Variants in GALNT13 observed in about 807,000 individuals in gnomAD.
GALNT13 encodes the protein polypeptide N-acetylgalactosaminyltransferase 13, also known as UDP-GalNAc:polypeptide N-acetylgalactosaminyltransferase 13.
Under a neutral mutation model 64.2 loss-of-function variants are expected in GALNT13, and 28 were observed. That is an observed-to-expected ratio of 0.44 (90% confidence interval 0.32 to 0.60). The LOEUF (loss-of-function observed/expected upper bound fraction) is 0.60, where lower values mean the gene tolerates loss of function less well. Ranked by LOEUF, GALNT13 falls within the 20% of genes least tolerant of loss-of-function variation. The pLI is 0.05. For synonymous variants in GALNT13, 214 were observed against 224.6 expected, an observed-to-expected ratio of 0.95 and a Z score of 0.42; for missense variants, 577 against 669.8, an observed-to-expected ratio of 0.86 and a Z score of 1.53.
chr2:154,026,473 C>T (rs898964832), intron 3 of GALNT13, among the ~76,000 whole-genome samples: 2 of 152,146 alleles, frequency 1.3e-5, no homozygotes, highest in Admixed American at 6.5e-5. Flanking sequence ...CAGAATATCA[C>T]AGACTGGGTG....
chr2:153,341,528 C>A, the GALNT13 span, among the ~76,000 whole-genome samples: 1 of 152,190 alleles, frequency 6.6e-6, no homozygotes, highest in African/African-American at 2.4e-5. Context: ...ATTAGCCTTG[C>A]TAGCTTTTGC....
chr2:153,572,565 A>T, the GALNT13 span, among the ~76,000 whole-genome samples: 1 of 151,556 alleles, frequency 6.6e-6, no homozygotes. Context: ...CCCCTCTTTG[A>T]TGTAGGCACT....
intron 4 of GALNT13, among the ~76,000 whole-genome samples, chr2:154,163,617 T>C (rs1250443289): frequency 6.6e-6 from 1 of 152,196 alleles, no homozygotes; most frequent in Non-Finnish European, 1.5e-5. Flanking sequence ...AGGATGGCTG[T>C]GTGTCCTTTC....
chr2:153,265,969 C>T, the GALNT13 span, among the ~76,000 whole-genome samples: 5 of 152,008 alleles, frequency 3.3e-5, no homozygotes, highest in South Asian at 4.2e-4. Flanking sequence ...CTCAGATGGT[C>T]GTTAACAATT....
chr2:154,417,342 A>C (rs1325737855), intron 11 of GALNT13, among the ~76,000 whole-genome samples: 2 of 150,132 alleles, frequency 1.3e-5, no homozygotes, highest in African/African-American at 4.9e-5. Flanking sequence ...TAAAATTGGC[A>C]TTGTTTACAC....
the GALNT13 span, among the ~76,000 whole-genome samples, chr2:153,822,912 CTT>C: frequency 6.6e-6 from 1 of 152,100 alleles, no homozygotes; most frequent in Non-Finnish European, 1.5e-5. Context: ...TGATGAACAA[CTT>C]CAGTAAATTT....
chr2:153,733,113 T>G, the GALNT13 span, among the ~76,000 whole-genome samples: 2 of 152,264 alleles, frequency 1.3e-5, no homozygotes, highest in African/African-American at 4.8e-5. Context: ...TAAGCTAATG[T>G]CAACTACTAC....
At chr2:153,575,467 C>T in the GALNT13 span, among the ~76,000 whole-genome samples, 1 of 152,150 alleles carries the variant, frequency 6.6e-6, no homozygotes, top group African/African-American at 2.4e-5. Flanking sequence ...TGGTGAGTAC[C>T]CCAAGGTCCC....
At chr2:154,117,698 A>G (rs963502052) in intron 3 of GALNT13, among the ~76,000 whole-genome samples, 3 of 152,198 alleles carry the variant, frequency 2.0e-5, no homozygotes, top group Non-Finnish European at 2.9e-5. Flanking sequence ...TTTACAGCCA[A>G]CTGATCCTGG....
chr2:153,843,531 A>G, the GALNT13 span, among the ~76,000 whole-genome samples: 1 of 152,186 alleles, frequency 6.6e-6, no homozygotes, highest in South Asian at 2.1e-4. Flanking sequence ...ATATCATTCT[A>G]TCCCTGCCCC....
At chr2:153,507,195 A>G in the GALNT13 span, among the ~76,000 whole-genome samples, 1 of 151,992 alleles carries the variant, frequency 6.6e-6, no homozygotes, top group South Asian at 2.1e-4. Context: ...TGATTTCCAG[A>G]AGTTGTGATT....
chr2:153,078,527 G>T, the GALNT13 span, among the ~76,000 whole-genome samples: 1 of 151,878 alleles, frequency 6.6e-6, no homozygotes, highest in Non-Finnish European at 1.5e-5. Context: ...GGCCAGACTC[G>T]TCTGAACTCC....
chr2:153,752,446 T>C, the GALNT13 span, among the ~76,000 whole-genome samples: 1 of 152,086 alleles, frequency 6.6e-6, no homozygotes. Context: ...ATCCCTCAGG[T>C]TTTGTTTGTG....
chr2:153,201,433 A>T, the GALNT13 span, among the ~76,000 whole-genome samples: 2 of 152,316 alleles, frequency 1.3e-5, no homozygotes, highest in East Asian at 3.9e-4. Flanking sequence ...TGCCAAGCCT[A>T]TTCATTTACT....
At chr2:153,552,575 C>CTTTTTTT in the GALNT13 span, among the ~76,000 whole-genome samples, 126 of 69,272 alleles carry the variant, frequency 1.8e-3, no homozygotes, top group African/African-American at 2.3e-3. Context: ...GCTTCTTCTT[C>CTTTTTTT]TTTTTTTTTT....
chr2:153,352,427 C>T, the GALNT13 span, among the ~76,000 whole-genome samples: 1 of 152,000 alleles, frequency 6.6e-6, no homozygotes, highest in Non-Finnish European at 1.5e-5. Flanking sequence ...TTGACCATGT[C>T]TTTTACACAG....
chr2:153,144,515 A>C, the GALNT13 span, among the ~76,000 whole-genome samples: 1 of 151,940 alleles, frequency 6.6e-6, no homozygotes, highest in Non-Finnish European at 1.5e-5. Flanking sequence ...CCAGAAGTGT[A>C]TTTGAGCACT....
intron 8 of GALNT13, among the ~76,000 whole-genome samples, chr2:154,259,738 T>C (rs948222109): frequency 5.9e-5 from 9 of 152,210 alleles, no homozygotes; most frequent in Admixed American, 3.3e-4. Flanking sequence ...TTTTGTTATA[T>C]TCAAAAAATT....
intron 3 of GALNT13, among the ~76,000 whole-genome samples, chr2:153,976,688 T>C (rs1010737220): frequency 6.6e-6 from 1 of 152,074 alleles, no homozygotes; most frequent in Non-Finnish European, 1.5e-5. Flanking sequence ...CTCGTAGAAA[T>C]AGATTTTTTT....
Sources: gnomAD v4.1 joint callset for allele counts (sites outside exome capture counted in the v4.1 genomes callset) on GRCh38, gnomAD v4.1.1 for gene constraint, MANE v1.5 for transcripts, NCBI Gene and HGNC (gene_info 2026-07-23, HGNC 2026-07-21) for gene names.